Variants in SBF2 observed in about 807,000 individuals in gnomAD.
The protein encoded by SBF2 is myotubularin-related protein 13.
SBF2 carries 112 observed loss-of-function variants against 225.2 expected under a neutral mutation model. That is an observed-to-expected ratio of 0.50 (90% CI 0.43 to 0.58). The LOEUF is 0.58. Ranked by LOEUF, SBF2 falls within the 20% of genes least tolerant of loss-of-function variation. SBF2 has a pLI of 0.00. For missense variants in SBF2, 1,996 were observed against 2,206.2 expected, an observed-to-expected ratio of 0.90 and a Z score of 1.91; for synonymous variants, 763 against 773.3, an observed-to-expected ratio of 0.99 and a Z score of 0.22.
At chr11:9,855,991 G>T (rs183025618) in intron 19 of SBF2, among the ~76,000 whole-genome samples, 1 of 152,210 alleles carries the variant, frequency 6.6e-6, no homozygotes, top group African/African-American at 2.4e-5. Flanking sequence ...GACGGATTCC[G>T]TTAGGCCTTG....
chr11:9,996,276 TTCAG>T (rs1947696423), intron 9 of SBF2, among the ~76,000 whole-genome samples: 1 of 152,266 alleles, frequency 6.6e-6, no homozygotes, highest in African/African-American at 2.4e-5. Context: ...TTAAACTTTC[TTCAG>T]TCATTCAAAT....
At position 10,217,588 on chromosome 11, in the gene SBF2, T is replaced by TA. The variant is rs368900966; in HGVS notation, c.56-23602dup. The stretch of plus-strand genomic sequence containing the variant: ...TATTAGTTCTAAAGTATCATTGCTA[T>TA]AAAATCACAAAATGTTCACTGCTAC... On this transcript the variant is annotated intron_variant, in intron 1 of 39. Transcript: ENST00000256190. Among the ~76,000 whole-genome samples, 1,064 of 152,264 alleles carry TA rather than the reference T, an allele frequency of 7.0e-3. 6 individuals carry two copies. The highest frequency in any genetic ancestry group is 0.011 in the Non-Finnish European group (756 of 68,028).
Position 9,788,975 on chromosome 11 carries a change from T to G in SBF2, c.4932+134A>C. On this transcript the variant is annotated intron_variant, in intron 35 of 39. Coordinates refer to ENST00000256190, the MANE Select transcript of SBF2 (RefSeq NM_030962.4). The stretch of plus-strand genomic sequence containing the variant: ...TCCCCCACTGATGATGGGGAGCAAA[T>G]CTGGTTTCTTCATAACCATAACCCT... 4 of 749,938 alleles carry G rather than the reference T, an allele frequency of 5.3e-6. No individual in the cohort carries two copies. The Admixed American group carries it at 8.3e-5, about 16-fold the overall frequency. 46.5% of individuals were successfully genotyped at this position (749,938 alleles called of 1,614,324 possible).
At chr11:9,828,846 A>C (rs915996384) in intron 28 of SBF2, among the ~76,000 whole-genome samples, 2 of 152,250 alleles carry the variant, frequency 1.3e-5, no homozygotes, top group African/African-American at 4.8e-5. Flanking sequence ...ATGGGAATAA[A>C]GGGTGACTTT....
intron 35 of SBF2, among the ~76,000 whole-genome samples, chr11:9,788,592 T>C (rs1197447866): frequency 1.4e-4 from 6 of 44,332 alleles, no homozygotes; most frequent in Non-Finnish European, 6.5e-4. Flanking sequence ...AAAATCACTT[T>C]TTTTTTTTTT....
intron 24 of SBF2, 115 bp from the exon 25 acceptor site, chr11:9,842,885 C>T: frequency 7.1e-6 from 7 of 989,720 alleles, no homozygotes; most frequent in Non-Finnish European, 1.1e-5. Context: ...ACTACTGGTC[C>T]AGACTCTTGT....
chr11:10,222,546 T>C (rs1013477233), intron 1 of SBF2, among the ~76,000 whole-genome samples: 2 of 152,086 alleles, frequency 1.3e-5, no homozygotes, highest in African/African-American at 4.8e-5. Flanking sequence ...AAAGGTACAC[T>C]TGAAAACAGA....
At chr11:10,218,891 A>G (rs913980967) in intron 1 of SBF2, among the ~76,000 whole-genome samples, 2 of 152,194 alleles carry the variant, frequency 1.3e-5, no homozygotes, top group Non-Finnish European at 2.9e-5. Flanking sequence ...AGCCCTGTGC[A>G]GCTTGATTCC....
intron 17 of SBF2, among the ~76,000 whole-genome samples, chr11:9,865,991 T>C (rs1249455283): frequency 6.6e-6 from 1 of 152,218 alleles, no homozygotes; most frequent in Non-Finnish European, 1.5e-5. Flanking sequence ...ATATTTCAAC[T>C]GCCAACTATT....
intron 1 of SBF2, among the ~76,000 whole-genome samples, chr11:10,269,435 G>C (rs74952488): frequency 0.021 from 3,212 of 152,270 alleles, 85 homozygotes; most frequent in African/African-American, 0.063. Context: ...TGGAACCGTA[G>C]AGAAAAGAAG....
intron 2 of SBF2, among the ~76,000 whole-genome samples, chr11:10,091,652 G>C (rs191231265): frequency 6.6e-6 from 1 of 152,252 alleles, no homozygotes; most frequent in Admixed American, 6.5e-5. Context: ...CTGCATAGAG[G>C]AGGAACTGTA....
chr11:10,097,907 A>AC (rs1952096357), intron 2 of SBF2, among the ~76,000 whole-genome samples: 1 of 151,906 alleles, frequency 6.6e-6, no homozygotes, highest in Non-Finnish European at 1.5e-5. Flanking sequence ...CTTCTTTCTC[A>AC]CCCCACCGAC....
intron 32 of SBF2, among the ~76,000 whole-genome samples, chr11:9,804,166 G>A (rs1264418322): frequency 1.3e-5 from 2 of 152,088 alleles, no homozygotes; most frequent in Admixed American, 6.5e-5. Flanking sequence ...AACCTGATAA[G>A]CTCTAGACTT....
At chr11:9,879,920 C>A (rs1461577576) in intron 17 of SBF2, among the ~76,000 whole-genome samples, 1 of 151,764 alleles carries the variant, frequency 6.6e-6, no homozygotes, top group Non-Finnish European at 1.5e-5. Flanking sequence ...TCCGTCTTCA[C>A]TAAAAATACA....
chr11:10,011,163 G>A (rs12364676), intron 6 of SBF2, among the ~76,000 whole-genome samples: 30,731 of 152,036 alleles, frequency 0.2, 3,975 homozygotes, highest in Non-Finnish European at 0.3. Context: ...TTGTTTGTTC[G>A]TGTGAAATCG....
At chr11:10,249,623 C>G (rs1057121123) in intron 1 of SBF2, among the ~76,000 whole-genome samples, 2 of 151,878 alleles carry the variant, frequency 1.3e-5, no homozygotes, top group Non-Finnish European at 2.9e-5. Flanking sequence ...TGTTTTATAC[C>G]TTTAACATAT....
At chr11:10,236,520 C>T (rs537860984) in intron 1 of SBF2, among the ~76,000 whole-genome samples, 27 of 152,214 alleles carry the variant, frequency 1.8e-4, no homozygotes, top group East Asian at 1.2e-3. Context: ...AGTGCAGTGG[C>T]GCGATCTCAG....
intron 2 of SBF2, among the ~76,000 whole-genome samples, chr11:10,170,371 T>C (rs532994689): frequency 6.6e-6 from 1 of 152,276 alleles, no homozygotes; most frequent in African/African-American, 2.4e-5. Flanking sequence ...CAGCACCATT[T>C]ACTGAAGAGA....
In SBF2 at chr11:9,785,298, T is replaced by A. The variant is rs146230559; in HGVS notation, c.5058A>T (p.Arg1686Ser). The change falls in exon 37 of 40, where the codon AGA becomes AGT. Residue 1686 changes from arginine to serine, a missense_variant. Physicochemically the swap from Arg to Ser is moderately radical, Grantham distance 110 (BLOSUM62 -1). Coordinates refer to ENST00000256190, the MANE Select transcript of SBF2 (RefSeq NM_030962.4). ...RTDRSQRHLS[R>S]SPGIVSTNLP... is the part of the protein sequence containing the mutation. ...GGTTGGTAGACACAATTCCTGGGGATCTCGACAGGTGTCTTTGGGACTGAA... is the reference window on the plus strand; with the variant it reads ...GGTTGGTAGACACAATTCCTGGGGAACTCGACAGGTGTCTTTGGGACTGAA... The A allele has an allele frequency of 3.9e-4, 628 of 1,614,010 alleles. 5 individuals are homozygous for A. The highest frequency in any genetic ancestry group is 4.7e-5 in the Non-Finnish European group (56 of 1,179,994).
Sources: gnomAD v4.1 joint callset for allele counts (sites outside exome capture counted in the v4.1 genomes callset) on GRCh38, gnomAD v4.1.1 for gene constraint, MANE v1.5 for transcripts, NCBI Gene and HGNC (gene_info 2026-07-23, HGNC 2026-07-21) for gene names.